Variants in FCHSD2 observed in about 807,000 individuals in gnomAD.
The protein encoded by FCHSD2 is FCH and double SH3 domains 2, also known as F-BAR and double SH3 domains protein 2.
FCHSD2 carries 38 observed loss-of-function variants against 108.1 expected under a neutral mutation model. The observed-to-expected ratio is 0.35, with a 90% CI of 0.27 to 0.46. The LOEUF (loss-of-function observed/expected upper bound fraction) is 0.46. Ranked by LOEUF, FCHSD2 falls within the 20% of genes least tolerant of loss-of-function variation. The pLI is 1.00. For missense variants in FCHSD2, 751 were observed against 897.8 expected (o/e 0.84, Z 2.09); for synonymous variants, 279 against 314.7 (o/e 0.89, Z 1.20).
intron 10 of FCHSD2, among the ~76,000 whole-genome samples, chr11:72,892,607 T>G (rs1000123100): frequency 6.6e-6 from 1 of 152,142 alleles, no homozygotes. Flanking sequence ...TTTGTTTGTT[T>G]TGTTTTTTGT....
At chr11:72,841,670 T>C in intron 17 of FCHSD2, 87 bp from the exon 18 acceptor site, 2 of 1,338,038 alleles carry the variant, frequency 1.5e-6, no homozygotes, top group Non-Finnish European at 2.0e-6. Flanking sequence ...TACTCATGCC[T>C]TTTCTCTAAA....
intron 3 of FCHSD2, among the ~76,000 whole-genome samples, chr11:73,027,948 G>A (rs1181010410): frequency 1.3e-5 from 2 of 152,276 alleles, no homozygotes; most frequent in Non-Finnish European, 2.9e-5. Flanking sequence ...AAGAACTGAT[G>A]TTTGGAAACC....
At chr11:73,066,505 A>C (rs1343252472) in intron 3 of FCHSD2, among the ~76,000 whole-genome samples, 1 of 152,220 alleles carries the variant, frequency 6.6e-6, no homozygotes, top group Non-Finnish European at 1.5e-5. Context: ...GGATCTAATT[A>C]AACTAAAGAG....
At chr11:72,929,953 C>T (rs532504465) in intron 8 of FCHSD2, among the ~76,000 whole-genome samples, 1 of 152,142 alleles carries the variant, frequency 6.6e-6, no homozygotes, top group Non-Finnish European at 1.5e-5. Context: ...GTCTGAGCTA[C>T]AAAAGCAGAC....
At chr11:73,028,533 G>A (rs1858282140) in intron 3 of FCHSD2, among the ~76,000 whole-genome samples, 1 of 152,176 alleles carries the variant, frequency 6.6e-6, no homozygotes, top group African/African-American at 2.4e-5. Flanking sequence ...TGTCTCAGAT[G>A]AGACTTTGGC....
At chr11:73,078,190 T>C (rs760941501) in intron 3 of FCHSD2, among the ~76,000 whole-genome samples, 4 of 152,204 alleles carry the variant, frequency 2.6e-5, no homozygotes, top group Non-Finnish European at 5.9e-5. Context: ...TTTTAGAGAA[T>C]ACTAAACTTT....
rs530600536 is a variant in FCHSD2 at position 73,038,509 on chromosome 11, A to G, written c.166-22624T>C. Among the ~76,000 whole-genome samples, 35 of 152,304 alleles carry G rather than the reference A, an allele frequency of 2.3e-4. No individual in the cohort carries two copies. In the South Asian group the frequency reaches 5.0e-3, roughly 22 times the overall value. On this transcript the variant is annotated intron_variant, in intron 3 of 19. Transcript: ENST00000409418. ...GTGGTACATATACAGCGTGGATACT[A>G]TGCAGCCATGAAAAGAATGAAATCT...
At chr11:73,112,000 T>C (rs934807672) in intron 2 of FCHSD2, among the ~76,000 whole-genome samples, 5 of 152,238 alleles carry the variant, frequency 3.3e-5, no homozygotes, top group African/African-American at 1.2e-4. Flanking sequence ...GTTCATCTTT[T>C]AGTCTTTCTA....
intron 4 of FCHSD2, among the ~76,000 whole-genome samples, chr11:73,010,577 T>C (rs1857840654): frequency 2.6e-5 from 4 of 152,254 alleles, no homozygotes. Flanking sequence ...TCTATGGTGT[T>C]GTTTGGTAGG....
intron 3 of FCHSD2, among the ~76,000 whole-genome samples, chr11:73,068,827 A>G (rs555651592): frequency 1.3e-4 from 20 of 149,962 alleles, no homozygotes; most frequent in Middle Eastern, 3.4e-3. Flanking sequence ...AAAAAAAAAA[A>G]AAAAAGAAAA....
chr11:72,868,602 G>A (rs1453864209), intron 12 of FCHSD2, among the ~76,000 whole-genome samples: 3 of 152,002 alleles, frequency 2.0e-5, no homozygotes, highest in African/African-American at 7.2e-5. Flanking sequence ...AAGGTGGGAG[G>A]ATCACTTGAA....
At chr11:72,865,285 GCT>G (rs1047702573) in intron 13 of FCHSD2, among the ~76,000 whole-genome samples, 2 of 152,134 alleles carry the variant, frequency 1.3e-5, no homozygotes, top group African/African-American at 4.8e-5. Context: ...TAATTTCAGT[GCT>G]GTTACTTAAA....
chr11:73,079,646 T>C (rs1156818683), intron 3 of FCHSD2, among the ~76,000 whole-genome samples: 4 of 152,148 alleles, frequency 2.6e-5, no homozygotes, highest in Non-Finnish European at 4.4e-5. Flanking sequence ...TTCTCTACTA[T>C]TGACAAGAAG....
At chr11:73,029,007 C>T (rs941799650) in intron 3 of FCHSD2, among the ~76,000 whole-genome samples, 1 of 151,852 alleles carries the variant, frequency 6.6e-6, no homozygotes, top group Non-Finnish European at 1.5e-5. Flanking sequence ...AGTGTGAAAA[C>T]GGACTAACAC....
rs1408001049 is a variant in FCHSD2, at chr11:72,865,372, C to A, written c.1308+2493G>T. 2.0e-5 allele frequency among the ~76,000 whole-genome samples: 3 copies of A among 152,152 alleles called. No homozygotes were observed. The East Asian group carries it at 5.8e-4, about 29-fold the overall frequency. ...CTCTCCTTTATTTATATTATTAGATCTTCCACAAAATGTAATCTCTCAGTT... is the reference window on the plus strand; with the variant it reads ...CTCTCCTTTATTTATATTATTAGATATTCCACAAAATGTAATCTCTCAGTT... On this transcript the variant is annotated intron_variant, in intron 13 of 19. Coordinates refer to ENST00000409418, the MANE Select transcript of FCHSD2 (RefSeq NM_014824.3).
In FCHSD2 at chr11:73,138,554, A is replaced by G. The variant is rs1347382217; in HGVS notation, c.119+1477T>C. On this transcript the variant is annotated intron_variant, in intron 2 of 19. Transcript: ENST00000409418. ...TCTTAGTTTGCTTAATAAGTTAAAA[A>G]AACCTTACATTTTTAACCATGTCAA... is the stretch of plus-strand genomic sequence containing the variant. Among the ~76,000 whole-genome samples the G allele has an allele frequency of 2.0e-5, 3 of 152,190 alleles. No individual in the cohort carries two copies. The East Asian group carries it at 5.8e-4, about 29-fold the overall frequency.
intron 3 of FCHSD2, among the ~76,000 whole-genome samples, chr11:73,067,055 T>C (rs1315541209): frequency 6.6e-6 from 1 of 152,186 alleles, no homozygotes; most frequent in Non-Finnish European, 1.5e-5. Context: ...TCCGGCACTA[T>C]TCACAATAGC....
chr11:72,852,431 C>T (rs1861316051), intron 13 of FCHSD2, among the ~76,000 whole-genome samples: 1 of 152,112 alleles, frequency 6.6e-6, no homozygotes, highest in African/African-American at 2.4e-5. Flanking sequence ...GGAGTGGTGG[C>T]TCATGCCTGT....
intron 3 of FCHSD2, among the ~76,000 whole-genome samples, chr11:73,057,730 A>G (rs1359190037): frequency 1.3e-5 from 2 of 152,112 alleles, no homozygotes; most frequent in Admixed American, 1.3e-4. Context: ...ACATCTATTA[A>G]TCAAGCTCAG....
Sources: gnomAD v4.1 joint callset for allele counts (sites outside exome capture counted in the v4.1 genomes callset) on GRCh38, gnomAD v4.1.1 for gene constraint, MANE v1.5 for transcripts, NCBI Gene and HGNC (gene_info 2026-07-23, HGNC 2026-07-21) for gene names.